SMG7: variants seen among roughly 807,000 people sequenced by gnomAD.
The protein encoded by SMG7 is SMG7 nonsense mediated mRNA decay factor.
SMG7 carries 34 observed loss-of-function variants against 148.2 expected under a neutral mutation model. The observed-to-expected ratio is 0.23, with a 90% CI of 0.17 to 0.31. SMG7 has a LOEUF of 0.31. Among genes scored for constraint, SMG7 ranks in the 10% least tolerant of loss-of-function variants. The pLI is 1.00. For synonymous variants in SMG7, 492 were observed against 515.1 expected (o/e 0.96, Z 0.61); for missense variants, 1,114 against 1,408.4 (o/e 0.79, Z 3.35).
intron 1 of SMG7, among the ~76,000 whole-genome samples, chr1:183,479,387 C>T (rs925628795): frequency 1.3e-4 from 20 of 152,076 alleles, no homozygotes; most frequent in African/African-American, 3.6e-4. Context: ...CCCTTGCAAT[C>T]GTGACAATAA....
At chr1:183,541,211 G>A (rs1488789167) in intron 13 of SMG7, 108 bp downstream of exon 13, 2 of 1,004,878 alleles carry the variant, frequency 2.0e-6, no homozygotes, top group African/African-American at 3.3e-5. Context: ...CGTATTTTAG[G>A]CTTTGGTATA....
At chr1:183,516,796 G>A (rs1663652667) in intron 3 of SMG7, among the ~76,000 whole-genome samples, 1 of 152,172 alleles carries the variant, frequency 6.6e-6, no homozygotes, top group Non-Finnish European at 1.5e-5. Context: ...TTAGAGTCAA[G>A]GATAAGATGT....
In SMG7 at chr1:183,516,010, T is replaced by G. The variant is rs540717093; in HGVS notation, c.179+19T>G. 3.5e-6 allele frequency: 5 copies of G among 1,417,598 alleles called. No homozygotes were observed. The highest frequency in any genetic ancestry group is 5.0e-6 in the Non-Finnish European group (5 of 1,005,072). The allele number at this position is 1,417,598 out of a possible 1,614,324, so 87.8% of individuals were successfully genotyped here. On this transcript the variant is annotated intron_variant, in intron 3 of 22. Coordinates refer to ENST00000688051, the MANE Select transcript of SMG7 (RefSeq NM_001375584.1). ...AGGATCTGTAAGTATTACCTATCATTTGAGAAGTCCCTGTAAGATCAAGAA... is the reference window on the plus strand; with the variant it reads ...AGGATCTGTAAGTATTACCTATCATGTGAGAAGTCCCTGTAAGATCAAGAA...
intron 7 of SMG7, 97 bp from the exon 8 acceptor site, chr1:183,529,301 C>G: frequency 5.1e-6 from 7 of 1,379,790 alleles, no homozygotes; most frequent in South Asian, 1.4e-5. Context: ...AAATACAGCT[C>G]TTTTGTGTAT....
chr1:183,524,828 G>T (rs779435883), intron 4 of SMG7, among the ~76,000 whole-genome samples: 1 of 152,090 alleles, frequency 6.6e-6, no homozygotes, highest in Non-Finnish European at 1.5e-5. Context: ...AATAAGTTAC[G>T]TTATAAATGT....
At chr1:183,549,042 G>A (rs969710694) in intron 18 of SMG7, 166 bp from the exon 19 acceptor site, 1 of 599,396 alleles carries the variant, frequency 1.7e-6, no homozygotes, top group Non-Finnish European at 2.9e-6. Flanking sequence ...TGGCACTTAG[G>A]CGGTGTCTTG....
intron 3 of SMG7, among the ~76,000 whole-genome samples, chr1:183,516,600 A>G (rs1663602300): frequency 6.6e-6 from 1 of 152,248 alleles, no homozygotes; most frequent in South Asian, 2.1e-4. Context: ...AAATTGGAAC[A>G]GGGACATTAG....
intron 4 of SMG7, among the ~76,000 whole-genome samples, chr1:183,520,060 A>G (rs984442312): frequency 4.6e-5 from 7 of 151,178 alleles, no homozygotes; most frequent in African/African-American, 1.2e-4. Context: ...TCCTTTGTCC[A>G]TAGATCAGTG....
rs1384492189 is a variant in SMG7, at chr1:183,542,286, G to A, written c.1626G>A (p.Lys542=). 6.2e-7 allele frequency: 1 copy of A among 1,613,994 alleles called. No individual in the cohort carries two copies. Among genetic ancestry groups the A allele is most frequent in the African/African-American group, 1.3e-5 (1 of 74,918 alleles). The change falls in exon 14 of 23, where the codon AAG becomes AAA. Residue 542 remains lysine, a synonymous_variant. Transcript: ENST00000688051. ...GCAACAACTGTGACACAGGAGAGAA[G>A]CCAGTGGTTACCTTCAAAGAAAACA... ...NLSNNCDTGE[K]PVVTFKENIK...
intron 11 of SMG7, 52 bp from the exon 12 acceptor site, chr1:183,538,328 C>A: frequency 1.5e-6 from 2 of 1,297,766 alleles, no homozygotes; most frequent in Non-Finnish European, 2.2e-6. Flanking sequence ...CAGTATTCCA[C>A]CAAACAACAT....
chr1:183,521,558 C>T (rs1664769805), intron 4 of SMG7, among the ~76,000 whole-genome samples: 1 of 152,112 alleles, frequency 6.6e-6, no homozygotes, highest in Non-Finnish European at 1.5e-5. Flanking sequence ...GCCTTATAAG[C>T]TAAGATGAGT....
intron 10 of SMG7, among the ~76,000 whole-genome samples, chr1:183,534,824 G>A (rs1006858057): frequency 4.6e-5 from 7 of 151,410 alleles, no homozygotes; most frequent in Admixed American, 1.3e-4. Flanking sequence ...CTGAGATCGC[G>A]CCATTGTACT....
At chr1:183,526,515 A>G (rs1450706542) in intron 4 of SMG7, 81 bp from the exon 5 acceptor site, 2 of 856,606 alleles carry the variant, frequency 2.3e-6, no homozygotes, top group East Asian at 5.1e-5. Flanking sequence ...ATGTGGTACT[A>G]GGTACACATC....
At chr1:183,490,891 T>C (rs1326124500) in intron 1 of SMG7, among the ~76,000 whole-genome samples, 1 of 152,190 alleles carries the variant, frequency 6.6e-6, no homozygotes, top group Non-Finnish European at 1.5e-5. Context: ...GTTGAAGCAA[T>C]TCTCCTGCCT....
intron 18 of SMG7, among the ~76,000 whole-genome samples, chr1:183,548,372 A>G (rs1186506542): frequency 6.6e-6 from 1 of 152,194 alleles, no homozygotes; most frequent in Non-Finnish European, 1.5e-5. Flanking sequence ...AGTGGCTTTA[A>G]GGACTGAGGG....
intron 1 of SMG7, 81 bp downstream of exon 1, chr1:183,472,730 CG>C (rs1344550882): frequency 1.6e-6 from 2 of 1,244,154 alleles, no homozygotes; most frequent in Non-Finnish European, 2.1e-6. Flanking sequence ...GAGGTAAGTC[CG>C]GGGTGGCGGG....
At chr1:183,498,671 C>T (rs1659091012) in intron 1 of SMG7, among the ~76,000 whole-genome samples, 1 of 152,182 alleles carries the variant, frequency 6.6e-6, no homozygotes, top group Non-Finnish European at 1.5e-5. Context: ...ATACCCCTTG[C>T]TCACACACAT....
chr1:183,479,307 T>A (rs1653472047), intron 1 of SMG7, among the ~76,000 whole-genome samples: 1 of 152,072 alleles, frequency 6.6e-6, no homozygotes, highest in South Asian at 2.1e-4. Context: ...TTTGTTGTGG[T>A]GGGTTGTCTT....
chr1:183,504,497 T>C (rs542923423), intron 1 of SMG7, among the ~76,000 whole-genome samples: 3 of 152,016 alleles, frequency 2.0e-5, no homozygotes, highest in African/African-American at 7.2e-5. Flanking sequence ...CCCGTCACCA[T>C]GCCCGGCTAA....
Sources: gnomAD v4.1 joint callset for allele counts (sites outside exome capture counted in the v4.1 genomes callset) on GRCh38, gnomAD v4.1.1 for gene constraint, MANE v1.5 for transcripts, NCBI Gene and HGNC (gene_info 2026-07-23, HGNC 2026-07-21) for gene names.